Variants in HEMK2 observed in about 807,000 individuals in gnomAD.
The protein encoded by HEMK2 is methyltransferase HEMK2.
At chr21:28,831,546 AGAAGGAAAGAAGGAAAGAAG>A in the HEMK2 span, among the ~76,000 whole-genome samples, 1 of 79,412 alleles carries the variant, frequency 1.3e-5, no homozygotes, top group East Asian at 4.5e-4. Flanking sequence ...AAAGAAGGAA[AGAAGGAAAGAAGGAAAGAAG>A]GAAAGAAAGA....
At chr21:28,699,745 C>A in the HEMK2 span, among the ~76,000 whole-genome samples, 1 of 152,168 alleles carries the variant, frequency 6.6e-6, no homozygotes, top group Non-Finnish European at 1.5e-5. Context: ...TTTGCAAGCA[C>A]AAACATGTCT....
the HEMK2 span, among the ~76,000 whole-genome samples, chr21:28,801,628 C>T: frequency 2.0e-5 from 3 of 151,872 alleles, no homozygotes; most frequent in Non-Finnish European, 4.4e-5. Context: ...ACAAAGATCA[C>T]CTAGAAATCA....
chr21:28,864,892 TAG>T, the HEMK2 span, among the ~76,000 whole-genome samples: 6 of 117,766 alleles, frequency 5.1e-5, no homozygotes, highest in African/African-American at 1.5e-4. Flanking sequence ...ATATAGATGA[TAG>T]ATAGATATAG....
At chr21:28,670,831 T>C in the HEMK2 span, 1 of 152,154 alleles carries the variant, frequency 6.6e-6, no homozygotes, top group Non-Finnish European at 1.5e-5. Context: ...TGTCGAATGC[T>C]TATAAAACTG....
At chr21:28,658,778 T>C in the HEMK2 span, among the ~76,000 whole-genome samples, 1 of 152,258 alleles carries the variant, frequency 6.6e-6, no homozygotes. Context: ...TGTAAATTAA[T>C]GTTAAGGCAC....
the HEMK2 span, among the ~76,000 whole-genome samples, chr21:28,851,675 T>C: frequency 6.6e-6 from 1 of 152,336 alleles, no homozygotes; most frequent in East Asian, 1.9e-4. Context: ...GTCCAGTGTG[T>C]TCACTACTTC....
chr21:28,794,010 T>C, the HEMK2 span, among the ~76,000 whole-genome samples: 1 of 152,210 alleles, frequency 6.6e-6, no homozygotes, highest in Non-Finnish European at 1.5e-5. Flanking sequence ...TTTCTGTTGT[T>C]TTAAGACATC....
chr21:28,809,464 G>A, the HEMK2 span, among the ~76,000 whole-genome samples: 1 of 152,132 alleles, frequency 6.6e-6, no homozygotes, highest in Non-Finnish European at 1.5e-5. Context: ...AGCTCTGAGA[G>A]GAGATAATAT....
the HEMK2 span, among the ~76,000 whole-genome samples, chr21:28,606,394 C>T: frequency 2.6e-5 from 4 of 152,180 alleles, no homozygotes; most frequent in Admixed American, 6.5e-5. Context: ...CATAAAGAAG[C>T]CAAATATGTG....
chr21:28,577,455 GT>G, the HEMK2 span: 2 of 152,134 alleles, frequency 1.3e-5, no homozygotes, highest in African/African-American at 4.8e-5. Flanking sequence ...TCAGGAAGAT[GT>G]ATTTTGATAT....
chr21:28,779,458 T>C, the HEMK2 span, among the ~76,000 whole-genome samples: 1 of 152,120 alleles, frequency 6.6e-6, no homozygotes, highest in East Asian at 1.9e-4. Flanking sequence ...TTGCCAGAGG[T>C]TGGGAGGAGG....
chr21:28,625,920 T>C, the HEMK2 span, among the ~76,000 whole-genome samples: 1 of 152,012 alleles, frequency 6.6e-6, no homozygotes, highest in Non-Finnish European at 1.5e-5. Flanking sequence ...ATTTAAAAAA[T>C]CATTCTAAGA....
At chr21:28,776,853 T>C in the HEMK2 span, among the ~76,000 whole-genome samples, 1 of 152,170 alleles carries the variant, frequency 6.6e-6, no homozygotes, top group Admixed American at 6.5e-5. Context: ...TTCTGCCTGC[T>C]TTTATCCTAG....
the HEMK2 span, among the ~76,000 whole-genome samples, chr21:28,819,650 G>A: frequency 4.0e-5 from 6 of 149,206 alleles, no homozygotes; most frequent in East Asian, 6.1e-4. Flanking sequence ...AGGTTCAAGC[G>A]ATTCTCCTGC....
At chr21:28,588,272 G>C in the HEMK2 span, among the ~76,000 whole-genome samples, 1 of 152,150 alleles carries the variant, frequency 6.6e-6, no homozygotes, top group Admixed American at 6.5e-5. Context: ...CAAGCTTCTT[G>C]CTCTACCCAT....
At chr21:28,853,687 G>A in the HEMK2 span, among the ~76,000 whole-genome samples, 1 of 152,226 alleles carries the variant, frequency 6.6e-6, no homozygotes, top group African/African-American at 2.4e-5. Context: ...CTCAGGCAAT[G>A]TAGGGTTTAT....
chr21:28,744,891 G>GT, the HEMK2 span, among the ~76,000 whole-genome samples: 13,662 of 152,106 alleles, frequency 0.09, 902 homozygotes, highest in East Asian at 0.3. Context: ...CTTTTATGGG[G>GT]TTTTTTTGGT....
the HEMK2 span, among the ~76,000 whole-genome samples, chr21:28,688,515 T>C: frequency 2.0e-5 from 3 of 151,930 alleles, no homozygotes; most frequent in Non-Finnish European, 4.4e-5. Context: ...CTAGAGTGCA[T>C]GCATGATGAA....
At chr21:28,866,175 A>AAAAAAAAAAAACACAC in the HEMK2 span, among the ~76,000 whole-genome samples, 1 of 76,234 alleles carries the variant, frequency 1.3e-5, no homozygotes, top group African/African-American at 5.1e-5. Context: ...CAAAAAAAAA[A>AAAAAAAAAAAACACAC]ACACACACAC....
Sources: gnomAD v4.1 joint callset for allele counts (sites outside exome capture counted in the v4.1 genomes callset) on GRCh38, gnomAD v4.1.1 for gene constraint, MANE v1.5 for transcripts, NCBI Gene and HGNC (gene_info 2026-07-23, HGNC 2026-07-21) for gene names.